The following SEC16B variants were observed in gnomAD, a reference collection of about 807,000 sequenced individuals.
The protein encoded by SEC16B is protein transport protein Sec16B.
Under a neutral mutation model 141.8 loss-of-function variants are expected in SEC16B, and 115 were observed. That is an observed-to-expected ratio of 0.81 (90% CI 0.70 to 0.95). SEC16B has a LOEUF of 0.95. Ranked by LOEUF, SEC16B falls within the 40% of genes least tolerant of loss-of-function variation. The pLI, the probability that SEC16B is intolerant of heterozygous loss-of-function variation, is 0.00. For missense variants in SEC16B, 1,291 were observed against 1,312.3 expected (o/e 0.98, Z 0.25); for synonymous variants, 493 against 492.5 (o/e 1.00, Z -0.01).
chr1:177,982,301 G>A (rs1380929040), intron 1 of SEC16B, among the ~76,000 whole-genome samples: 1 of 152,110 alleles, frequency 6.6e-6, no homozygotes, highest in East Asian at 1.9e-4. Context: ...TACTTGTGGT[G>A]GAAAGCCAGT....
intron 13 of SEC16B, among the ~76,000 whole-genome samples, chr1:177,946,967 C>A (rs367783067): frequency 1.6e-4 from 25 of 152,122 alleles, no homozygotes; most frequent in Admixed American, 7.2e-4. Context: ...TATTAATTAC[C>A]AACATGTTTT....
At chr1:177,936,418 C>T in intron 19 of SEC16B, 53 bp from the exon 20 acceptor site, 1 of 1,484,748 alleles carries the variant, frequency 6.7e-7, no homozygotes, top group South Asian at 1.2e-5. Context: ...CTTTTCCCAT[C>T]TATCCTGAAG....
chr1:177,930,471 G>T, intron 25 of SEC16B, 74 bp downstream of exon 25: 1 of 936,382 alleles, frequency 1.1e-6, no homozygotes, highest in South Asian at 1.5e-5. Flanking sequence ...TGGTAAACTG[G>T]GATGATAAAC....
At chr1:177,956,982 A>G (rs891741497) in intron 10 of SEC16B, among the ~76,000 whole-genome samples, 24 of 152,120 alleles carry the variant, frequency 1.6e-4, no homozygotes, top group African/African-American at 5.8e-4. Flanking sequence ...CTATTTAATG[A>G]TGGGTTTATT....
intron 1 of SEC16B, among the ~76,000 whole-genome samples, chr1:177,969,557 C>T (rs1653815256): frequency 6.6e-6 from 1 of 152,194 alleles, no homozygotes; most frequent in African/African-American, 2.4e-5. Flanking sequence ...AAGAAACCTG[C>T]TTTCTCCTTG....
chr1:177,946,089 C>T, intron 14 of SEC16B: 1 of 561,554 alleles, frequency 1.8e-6, no homozygotes, highest in Non-Finnish European at 3.2e-6. Flanking sequence ...CAAGCCTCCA[C>T]ATGTAAAATG....
intron 3 of SEC16B, 45 bp downstream of exon 3, chr1:177,965,848 G>T: frequency 4.0e-6 from 5 of 1,241,732 alleles, no homozygotes; most frequent in South Asian, 1.3e-5. Context: ...CAGACCAGCT[G>T]CCCCATCCCC....
chr1:177,948,066 T>A, intron 12 of SEC16B, 124 bp from the exon 13 acceptor site: 1 of 787,796 alleles, frequency 1.3e-6, no homozygotes, highest in Non-Finnish European at 2.1e-6. Context: ...CCACCTGCAA[T>A]GCTGCCATTC....
chr1:177,966,555 G>C (rs973109760), intron 2 of SEC16B, among the ~76,000 whole-genome samples: 3 of 148,344 alleles, frequency 2.0e-5, no homozygotes, highest in Admixed American at 6.8e-5. Context: ...TAATATTAAT[G>C]TTTTTATCAA....
At chr1:177,972,001 C>T (rs1653976856), upstream of SEC16B, among the ~76,000 whole-genome samples, 1 of 152,172 alleles carries the variant, frequency 6.6e-6, no homozygotes, top group Admixed American at 6.5e-5. Context: ...CTGATTTGAA[C>T]CCCAAACTCT....
intron 13 of SEC16B, 90 bp downstream of exon 13, chr1:177,947,735 A>T (rs1007915715): frequency 5.9e-5 from 33 of 556,906 alleles, no homozygotes; most frequent in Admixed American, 1.3e-4. Context: ...GAGGAGAGGG[A>T]CGGGGAGGGG....
rs374246587 is a variant in SEC16B, at chr1:177,933,379, G to A, written c.2725-67C>T. 3.9e-4 allele frequency: 605 copies of A among 1,553,258 alleles called. 2 individuals carry two copies. The highest frequency in any genetic ancestry group is 4.5e-4 in the East Asian group (19 of 42,264). ...TCTTCCCCAACTATGAGGTTAACCC[G>A]CCCCCATGTAACCATCAGAGCCCAG... On this transcript the variant is annotated intron_variant, in intron 21 of 25. Transcript: ENST00000308284.
intron 12 of SEC16B, chr1:177,948,477 T>C (rs1255772862): frequency 7.7e-7 from 1 of 1,303,910 alleles, no homozygotes; most frequent in Non-Finnish European, 1.0e-6. Context: ...TAGTTCCTAC[T>C]GCCACTTTAA....
chr1:177,961,853 A>G, intron 5 of SEC16B, 119 bp from the exon 6 acceptor site: 1 of 973,356 alleles, frequency 1.0e-6, no homozygotes, highest in South Asian at 1.5e-5. Flanking sequence ...GGATAAAAAG[A>G]GATAATCAAG....
At position 177,941,748 on chromosome 1, in the gene SEC16B, T is replaced by C. The variant is rs188599816; in HGVS notation, c.2022+152A>G. ...TAGTGTTGGGCCTCTGCTTATCGCA[T>C]CTGGGCATGCATACATGGTCAAAGA... On this transcript the variant is annotated intron_variant, in intron 16 of 25. Coordinates refer to ENST00000308284, the MANE Select transcript of SEC16B (RefSeq NM_033127.4). Among the ~76,000 whole-genome samples the C allele has an allele frequency of 2.5e-4, 38 of 152,316 alleles. No homozygotes were observed. In the East Asian group the frequency reaches 6.8e-3, roughly 27 times the overall value.
Position 177,951,961 on chromosome 1 carries a change from G to T in SEC16B, c.1498C>A (p.Gln500Lys). 1 of 1,607,280 alleles carries T rather than the reference G, an allele frequency of 6.2e-7. No homozygotes were observed. Residue 500 changes from glutamine (Q) to lysine (K), a missense_variant, in exon 12 of 26, where the codon CAG (glutamine) becomes AAG (lysine). By Grantham distance (53) the Gln-to-Lys change is moderately conservative. Around this residue, in one of 3 missense-constraint regions of SEC16B, gnomAD observed 681 missense variants for 675.5 expected, o/e 1.01. Coordinates refer to ENST00000308284, the MANE Select transcript of SEC16B (RefSeq NM_033127.4). Reference sequence around the variant, plus strand: ...CCCGACATGAGCTGGAAGAGGGTCTGCAGTGGGTCATTGAGCGCCAGCGTG... The same window carrying T: ...CCCGACATGAGCTGGAAGAGGGTCTTCAGTGGGTCATTGAGCGCCAGCGTG... ...TSTLALNDPL[Q>K]TLFQLMSGRI...
intron 2 of SEC16B, 115 bp downstream of exon 2, chr1:177,967,568 G>T: frequency 9.0e-7 from 1 of 1,110,134 alleles, no homozygotes. Flanking sequence ...TAGTAAGGTA[G>T]AGAAGGAAAA....
At chr1:177,969,279 CTA>C (rs1386395427) in intron 1 of SEC16B, among the ~76,000 whole-genome samples, 2 of 152,184 alleles carry the variant, frequency 1.3e-5, no homozygotes, top group Admixed American at 6.5e-5. Context: ...AGGTCGACAG[CTA>C]TGAGCCAAGA....
In SEC16B at chr1:177,961,659, G is replaced by A. The variant is rs1391960600; in HGVS notation, c.718C>T (p.Gln240Ter). Residue 240 changes from glutamine to a stop codon, truncating the protein, a stop_gained, in exon 6 of 26, where the codon CAG becomes TAG. Coordinates refer to ENST00000308284, the MANE Select transcript of SEC16B (RefSeq NM_033127.4). LOFTEE classifies it high-confidence loss of function. Reference protein sequence around the residue: ...GLSSSSYELSQYIRDAPERDD... With the variant: ...GLSSSSYELS The stretch of plus-strand genomic sequence containing the variant: ...CGCTCCGGGGCATCTCTGATGTACT[G>A]ACTGAGCTCATAGCTGCTGGAGCTG... The A allele has an allele frequency of 6.2e-7, 1 of 1,613,870 alleles. No individual in the cohort carries two copies. The highest frequency in any genetic ancestry group is 1.3e-5 in the African/African-American group (1 of 74,938).
Sources: allele counts gnomAD v4.1 joint callset (sites outside exome capture counted in the v4.1 genomes callset), GRCh38; gene constraint gnomAD v4.1.1; regional missense constraint gnomAD v4.1.1; transcripts MANE v1.5; gene names NCBI Gene and HGNC (gene_info 2026-07-23, HGNC 2026-07-21).